Variants in ASB16 observed in about 807,000 individuals in gnomAD.
The protein encoded by ASB16 is ankyrin repeat and SOCS box protein 16.
ASB16 carries 44 observed loss-of-function variants against 39.1 expected under a neutral mutation model. That is an observed-to-expected ratio of 1.13 (90% CI 0.88 to 1.45). The LOEUF (loss-of-function observed/expected upper bound fraction) is 1.45, where lower values mean the gene tolerates loss of function less well. Ranked by LOEUF, ASB16 falls within the 40% of genes most tolerant of loss-of-function variation. ASB16 has a pLI of 0.00. For missense variants in ASB16, 698 were observed against 634.5 expected, an observed-to-expected ratio of 1.10 and a Z score of -1.07; for synonymous variants, 305 against 286.7, an observed-to-expected ratio of 1.06 and a Z score of -0.64.
intron 2 of ASB16, 161 bp from the exon 3 acceptor site, chr17:44,176,577 T>C (rs1462218900): frequency 2.8e-5 from 30 of 1,063,690 alleles, no homozygotes; most frequent in Non-Finnish European, 3.3e-5. Flanking sequence ...CTCAGGACCT[T>C]CCAATTCTGT....
chr17:44,171,028 A>G lies in ASB16; in HGVS notation c.239A>G (p.Glu80Gly). 1 of 1,614,048 alleles carries G rather than the reference A, an allele frequency of 6.2e-7. No individual in the cohort carries two copies. The highest frequency in any genetic ancestry group is 1.1e-5 in the South Asian group (1 of 91,082). The stretch of plus-strand genomic sequence containing the variant: ...CAGGTCCAAGCCCTGTTCCAAGATG[A>G]AGAGGCCGCCAACATGATTGTGGAG... ...LQQVQALFQD[E>G]EAANMIVETV... Residue 80 changes from glutamate (E) to glycine (G), a missense_variant, in exon 1 of 5, where the codon GAA becomes GGA. Coordinates refer to ENST00000293414, the MANE Select transcript of ASB16 (RefSeq NM_080863.5).
intron 2 of ASB16, among the ~76,000 whole-genome samples, chr17:44,173,187 G>T (rs548119482): frequency 9.8e-4 from 144 of 147,456 alleles, no homozygotes; most frequent in African/African-American, 3.5e-3. Flanking sequence ...AGGAGTTCAA[G>T]ACCAGCCTGG....
At chr17:44,171,561 T>TAAAAAAAAAAAAAAAAA (rs57839628) in intron 1 of ASB16, among the ~76,000 whole-genome samples, 1 of 97,682 alleles carries the variant, frequency 1.0e-5, no homozygotes, top group Non-Finnish European at 1.8e-5. Flanking sequence ...AGACCCTGCC[T>TAAAAAAAAAAAAAAAAA]AAAAAAAAAA....
intron 3 of ASB16, 62 bp downstream of exon 3, chr17:44,177,292 T>G: frequency 6.8e-7 from 1 of 1,465,882 alleles, no homozygotes; most frequent in Non-Finnish European, 9.0e-7. Context: ...CTGGAACTGC[T>G]CCGCTTCTGG....
In ASB16 at chr17:44,178,485, C is replaced by A. The variant is rs2054333580; in HGVS notation, c.*95C>A. ...CCAGTTCCTGGCCCTCTTTTCTTTT[C>A]TTTTTGAGACCTAGTCTCACTCTGT... On this transcript the variant is annotated 3_prime_UTR_variant, in exon 5 of 5. Coordinates refer to ENST00000293414, the MANE Select transcript of ASB16 (RefSeq NM_080863.5). 7.6e-7 allele frequency: 1 copy of A among 1,311,584 alleles called. No homozygotes were observed. Among genetic ancestry groups the A allele is most frequent in the East Asian group, 2.5e-5 (1 of 39,278 alleles). The allele number at this position is 1,311,584 out of a possible 1,614,324, so 81.2% of individuals were successfully genotyped here. A position where few individuals can be genotyped will look rare whatever the true frequency, so the allele number is the denominator to read the frequency against.
At chr17:44,177,257 G>T in intron 3 of ASB16, 27 bp downstream of exon 3, 2 of 1,516,762 alleles carry the variant, frequency 1.3e-6, no homozygotes, top group Non-Finnish European at 1.8e-6. Context: ...TGACATAGGA[G>T]GCTCCTGTGT....
chr17:44,178,659 A>C lies in ASB16; in HGVS notation c.*269A>C, dbSNP rs976157351. Reference sequence around the variant, plus strand: ...GGCTGATTTTGTATTTTTAGTAGAGACAGGGTCTCACCATGTTGGCCAGGC... The same window carrying C: ...GGCTGATTTTGTATTTTTAGTAGAGCCAGGGTCTCACCATGTTGGCCAGGC... On this transcript the variant is annotated 3_prime_UTR_variant, in exon 5 of 5. Coordinates refer to ENST00000293414, the MANE Select transcript of ASB16 (RefSeq NM_080863.5). 7 of 470,910 alleles carry C rather than the reference A, an allele frequency of 1.5e-5. No individual in the cohort carries two copies. The highest frequency in any genetic ancestry group is 2.3e-5 in the Non-Finnish European group (6 of 260,910). The allele number at this position is 470,910 out of a possible 1,614,324, so 29.2% of individuals were successfully genotyped here.
rs1277656726 is a variant in ASB16, at chr17:44,177,633, C to T, written c.1087C>T (p.Pro363Ser). The T allele has an allele frequency of 3.7e-6, 6 of 1,613,918 alleles. No homozygotes were observed. The highest frequency in any genetic ancestry group is 2.2e-5 in the East Asian group (1 of 44,868). Residue 363 changes from proline to serine, a missense_variant, in exon 4 of 5, where the codon CCT (proline) becomes TCT (serine). Pro to Ser is a moderately conservative substitution (Grantham distance 74). Transcript: ENST00000293414. Reference sequence around the variant, plus strand: ...GATGCTGAAACACTGCGCCAACTTCCCTCGGGCCCTGGAAGTCCTGCTTAA... The same window carrying T: ...GATGCTGAAACACTGCGCCAACTTCTCTCGGGCCCTGGAAGTCCTGCTTAA... ...PEMLKHCANF[P>S]RALEVLLNAY...
intron 4 of ASB16, 98 bp from the exon 5 acceptor site, chr17:44,178,107 A>G: frequency 7.8e-7 from 1 of 1,275,744 alleles, no homozygotes; most frequent in Non-Finnish European, 1.1e-6. Context: ...TGAAACACCC[A>G]GGTGGGTGCA....
chr17:44,170,990 C>A lies in ASB16; in HGVS notation c.201C>A (p.Ser67=), dbSNP rs147113944. 2 of 1,613,984 alleles carry A rather than the reference C, an allele frequency of 1.2e-6. No homozygotes were observed. Among genetic ancestry groups the A allele is most frequent in the South Asian group, 2.2e-5 (2 of 91,082 alleles). ...RDPAVHQALF[S]GNLQQVQALF... ...CAGCTGTCCACCAAGCCCTCTTCTC[C>A]GGCAACCTGCAGCAGGTCCAAGCCC... The change falls in exon 1 of 5, where the codon TCC becomes TCA. Residue 67 remains serine (S), a synonymous_variant. Coordinates refer to ENST00000293414, the MANE Select transcript of ASB16 (RefSeq NM_080863.5).
intron 2 of ASB16, among the ~76,000 whole-genome samples, chr17:44,172,526 C>A (rs1461054884): frequency 6.6e-6 from 1 of 152,230 alleles, no homozygotes; most frequent in Non-Finnish European, 1.5e-5. Context: ...AAGGTCACAT[C>A]TGCTAAGCCC....
intron 2 of ASB16, 104 bp downstream of exon 2, chr17:44,172,417 T>A: frequency 1.5e-6 from 2 of 1,357,516 alleles, no homozygotes; most frequent in African/African-American, 1.4e-5. Context: ...AGCTTTGTGG[T>A]TCATAAAGCA....
At chr17:44,171,398 T>A (rs1370631573) in intron 1 of ASB16, among the ~76,000 whole-genome samples, 2 of 151,820 alleles carry the variant, frequency 1.3e-5, no homozygotes, top group African/African-American at 4.8e-5. Context: ...ACCCCATCTC[T>A]ACTAAAAATA....
chr17:44,178,203 A>C lies in ASB16; in HGVS notation c.1177-2A>C, dbSNP rs1403274159. On this transcript the variant is annotated splice_acceptor_variant, in intron 4 of 4. Transcript: ENST00000293414. LOFTEE classifies it high-confidence loss of function. Reference sequence around the variant, plus strand: ...TCTGACCTTCTTTCACTCCTGGCCTAGGAGCACGAAGCCTTCTACAGCTCG... The same window carrying C: ...TCTGACCTTCTTTCACTCCTGGCCTCGGAGCACGAAGCCTTCTACAGCTCG... 1 of 1,612,658 alleles carries C rather than the reference A, an allele frequency of 6.2e-7. No individual in the cohort carries two copies. The highest frequency in any genetic ancestry group is 8.5e-7 in the Non-Finnish European group (1 of 1,179,992).
At chr17:44,177,877 AC>A in intron 4 of ASB16, 155 bp downstream of exon 4, 1 of 1,071,076 alleles carries the variant, frequency 9.3e-7, no homozygotes, top group Non-Finnish European at 1.3e-6. Context: ...CTCCCCCGGT[AC>A]CCCAGGCTGA....
intron 4 of ASB16, among the ~76,000 whole-genome samples, chr17:44,177,974 T>C (rs1567732997): frequency 2.0e-5 from 3 of 152,188 alleles, no homozygotes. Flanking sequence ...GTGGGCACTG[T>C]GCTAGGCTCT....
At chr17:44,176,496 T>C (rs2054291888) in intron 2 of ASB16, 1 of 619,826 alleles carries the variant, frequency 1.6e-6, no homozygotes, top group African/African-American at 1.8e-5. Flanking sequence ...ACTTGCTGTG[T>C]GTCCTTGGCT....
Position 44,176,916 on chromosome 17 carries a change from G to C in ASB16, c.748G>C (p.Ala250Pro). The C allele has an allele frequency of 1.3e-6, 2 of 1,563,078 alleles. No homozygotes were observed. Among genetic ancestry groups the C allele is most frequent in the African/African-American group, 2.7e-5 (2 of 73,238 alleles). ...TSQGETALNT[A>P]CAGAEGPGSC... is the part of the protein sequence containing the mutation. ...CCAGGGCGAGACTGCGCTGAACACGGCGTGCGCTGGGGCCGAGGGCCCAGG... is the reference window on the plus strand; with the variant it reads ...CCAGGGCGAGACTGCGCTGAACACGCCGTGCGCTGGGGCCGAGGGCCCAGG... The change falls in exon 3 of 5, where the codon GCG becomes CCG. Residue 250 changes from alanine (A) to proline (P), a missense_variant. Coordinates refer to ENST00000293414, the MANE Select transcript of ASB16 (RefSeq NM_080863.5).
intron 2 of ASB16, among the ~76,000 whole-genome samples, chr17:44,174,337 G>A (rs1327945108): frequency 2.0e-5 from 3 of 151,930 alleles, no homozygotes; most frequent in South Asian, 4.2e-4. Context: ...GAGCCACCGC[G>A]CCCGGCCCAA....
Sources: gnomAD v4.1 joint callset for allele counts (sites outside exome capture counted in the v4.1 genomes callset) on GRCh38, gnomAD v4.1.1 for gene constraint, MANE v1.5 for transcripts, NCBI Gene and HGNC (gene_info 2026-07-23, HGNC 2026-07-21) for gene names.